SVEP1: variants seen among roughly 807,000 people sequenced by gnomAD.
SVEP1 encodes sushi, von Willebrand factor type A, EGF and pentraxin domain-containing protein 1.
In SVEP1, 164 loss-of-function variants were observed where a neutral mutation model predicts 367.3. That is an observed-to-expected ratio of 0.45 (90% CI 0.39 to 0.51). The LOEUF (loss-of-function observed/expected upper bound fraction) is 0.51. SVEP1 is among the 20% of genes least tolerant of loss of function. The pLI is 0.00. For synonymous variants in SVEP1, 1,666 were observed against 1,611.6 expected, an observed-to-expected ratio of 1.03 and a Z score of -0.81; for missense variants, 4,117 against 4,425.3, an observed-to-expected ratio of 0.93 and a Z score of 1.98.
At chr9:110,551,603 C>T (rs185754806) in intron 1 of SVEP1, among the ~76,000 whole-genome samples, 98 of 152,216 alleles carry the variant, frequency 6.4e-4, no homozygotes, top group Admixed American at 1.2e-3. Flanking sequence ...GAGTAGCATT[C>T]GGGACGTTAC....
At chr9:110,466,760 C>CA (rs71371670) in intron 17 of SVEP1, among the ~76,000 whole-genome samples, 2,219 of 46,394 alleles carry the variant, frequency 0.048, 574 homozygotes, top group Admixed American at 0.059. Context: ...GACTCCATCT[C>CA]AAAAAAAAAA....
At chr9:110,382,047 T>C (rs747803386) in intron 43 of SVEP1, among the ~76,000 whole-genome samples, 2 of 151,744 alleles carry the variant, frequency 1.3e-5, no homozygotes, top group Non-Finnish European at 1.5e-5. Flanking sequence ...GCATTTTGTG[T>C]CTTTTAAGTG....
At chr9:110,392,831 G>A (rs577321867) in intron 40 of SVEP1, among the ~76,000 whole-genome samples, 1 of 152,090 alleles carries the variant, frequency 6.6e-6, no homozygotes. Context: ...ATGCTAAAAT[G>A]GTCTCATCTT....
chr9:110,427,271 C>T (rs955389242), intron 36 of SVEP1, among the ~76,000 whole-genome samples: 1 of 138,802 alleles, frequency 7.2e-6, no homozygotes, highest in Non-Finnish European at 1.5e-5. Flanking sequence ...GCACTCCAGC[C>T]TGGGCAAGGT....
At chr9:110,493,928 G>A (rs998858188) in intron 8 of SVEP1, among the ~76,000 whole-genome samples, 1 of 152,082 alleles carries the variant, frequency 6.6e-6, no homozygotes, top group Non-Finnish European at 1.5e-5. Context: ...TGCCTGCATG[G>A]TCCTCCTCCT....
Position 110,381,115 on chromosome 9 carries a change from T to C in SVEP1, c.10238-1598A>G, listed in dbSNP as rs115441399. Among the ~76,000 whole-genome samples, 535 of 152,270 alleles carry C rather than the reference T, an allele frequency of 3.5e-3. 4 individuals are homozygous for C. The highest frequency in any genetic ancestry group is 0.012 in the African/African-American group (498 of 41,566). Reference sequence around the variant, plus strand: ...TATTTGATTCTTCCCTTTTTTTAATTAGCTAGTGGTCTATTTTATTACTTT... The same window carrying C: ...TATTTGATTCTTCCCTTTTTTTAATCAGCTAGTGGTCTATTTTATTACTTT... On this transcript the variant is annotated intron_variant, in intron 43 of 47. Transcript: ENST00000374469.
At chr9:110,556,632 T>C (rs1451907378) in intron 1 of SVEP1, among the ~76,000 whole-genome samples, 4 of 152,018 alleles carry the variant, frequency 2.6e-5, no homozygotes, top group African/African-American at 9.7e-5. Context: ...GTAGCTGGGA[T>C]TACAGGCACG....
intron 40 of SVEP1, among the ~76,000 whole-genome samples, chr9:110,394,715 C>T (rs1827729209): frequency 6.6e-6 from 1 of 152,122 alleles, no homozygotes; most frequent in Admixed American, 6.5e-5. Flanking sequence ...GCAGAAGCCT[C>T]AATAGCTGAT....
intron 9 of SVEP1, among the ~76,000 whole-genome samples, chr9:110,485,890 A>T (rs923642795): frequency 1.3e-5 from 2 of 152,208 alleles, no homozygotes. Flanking sequence ...ATGGATTCCC[A>T]TTTTAAGCCA....
chr9:110,427,871 A>G, intron 35 of SVEP1, 113 bp from the exon 36 acceptor site: 1 of 1,253,430 alleles, frequency 8.0e-7, no homozygotes, highest in Non-Finnish European at 1.1e-6. Context: ...TGAGTACACA[A>G]AAATAGCATT....
chr9:110,397,799 C>G (rs1169915067), intron 40 of SVEP1, among the ~76,000 whole-genome samples: 1 of 152,012 alleles, frequency 6.6e-6, no homozygotes, highest in Non-Finnish European at 1.5e-5. Context: ...TGTGAAGGGC[C>G]TCTTCAAGGA....
intron 3 of SVEP1, among the ~76,000 whole-genome samples, chr9:110,529,345 G>C (rs770495489): frequency 1.3e-5 from 2 of 151,778 alleles, no homozygotes; most frequent in Non-Finnish European, 2.9e-5. Flanking sequence ...TGGCTCTTTG[G>C]GATCTTATTT....
chr9:110,507,712 G>A (rs558823784), intron 5 of SVEP1, among the ~76,000 whole-genome samples: 1 of 152,276 alleles, frequency 6.6e-6, no homozygotes, highest in East Asian at 1.9e-4. Context: ...CTTGTCTTCT[G>A]CATTTTGACT....
At chr9:110,466,760 C>CAAAAAAAAAAA (rs71371670) in intron 17 of SVEP1, among the ~76,000 whole-genome samples, 5,367 of 46,050 alleles carry the variant, frequency 0.12, 1,807 homozygotes, top group Non-Finnish European at 0.15. Context: ...GACTCCATCT[C>CAAAAAAAAAAA]AAAAAAAAAA....
At position 110,459,026 on chromosome 9, in the gene SVEP1, T is replaced by C; in HGVS notation, c.3410A>G (p.Lys1137Arg). 1 of 1,613,872 alleles carries C rather than the reference T, an allele frequency of 6.2e-7. No individual in the cohort carries two copies. The highest frequency in any genetic ancestry group is 8.5e-7 in the Non-Finnish European group (1 of 1,179,786). ...PRDYYQPNAG[K>R]AFCLACPFYG... ...AAAGGGACAGGCCAGGCAGAAGGCCTTCCCTGCATTAGGTTGGTAATAGTC... is the reference window on the plus strand; with the variant it reads ...AAAGGGACAGGCCAGGCAGAAGGCCCTCCCTGCATTAGGTTGGTAATAGTC... The change falls in exon 19 of 48, where the codon AAG (lysine) becomes AGG (arginine). Residue 1137 changes from lysine (K) to arginine (R), a missense_variant. By Grantham distance (26) the Lys-to-Arg change is conservative. This residue lies in a region of SVEP1 where 2,174 missense variants were observed against 2,494.3 expected (regional missense o/e 0.87). Coordinates refer to ENST00000374469, the MANE Select transcript of SVEP1 (RefSeq NM_153366.4).
intron 27 of SVEP1, among the ~76,000 whole-genome samples, chr9:110,441,470 G>A (rs1401089726): frequency 6.6e-6 from 1 of 152,120 alleles, no homozygotes; most frequent in Non-Finnish European, 1.5e-5. Context: ...ATGTGTCCTT[G>A]ACTCTACAGC....
intron 36 of SVEP1, among the ~76,000 whole-genome samples, chr9:110,412,640 A>G (rs1184516031): frequency 6.6e-6 from 1 of 151,994 alleles, no homozygotes; most frequent in Non-Finnish European, 1.5e-5. Context: ...TTCACAACCT[A>G]CTCATCTGAC....
chr9:110,370,264 T>A (rs760726566), intron 46 of SVEP1, among the ~76,000 whole-genome samples: 1 of 152,164 alleles, frequency 6.6e-6, no homozygotes, highest in South Asian at 2.1e-4. Flanking sequence ...TACCTACTTA[T>A]TGAAGCCTTT....
chr9:110,398,538 C>A (rs1029504079), intron 40 of SVEP1, among the ~76,000 whole-genome samples: 1 of 151,882 alleles, frequency 6.6e-6, no homozygotes, highest in African/African-American at 2.4e-5. Flanking sequence ...AAGAAACTAT[C>A]ATTAGAGTGA....
Sources: allele counts gnomAD v4.1 joint callset (sites outside exome capture counted in the v4.1 genomes callset), GRCh38; gene constraint gnomAD v4.1.1; regional missense constraint gnomAD v4.1.1; transcripts MANE v1.5; gene names NCBI Gene and HGNC (gene_info 2026-07-23, HGNC 2026-07-21).